The following CEP295 variants were observed in gnomAD, a reference collection of about 807,000 sequenced individuals.
CEP295 encodes the protein centrosomal protein of 295 kDa.
Under a neutral mutation model 291.6 loss-of-function variants are expected in CEP295, and 190 were observed. The observed-to-expected ratio is 0.65, with a 90% CI of 0.58 to 0.73. CEP295 has a LOEUF of 0.73. CEP295 is among the 30% of genes least tolerant of loss of function. CEP295 has a pLI of 0.00. For missense variants in CEP295, 2,863 were observed against 2,949.4 expected (o/e 0.97, Z 0.68); for synonymous variants, 993 against 1,038.8 (o/e 0.96, Z 0.85).
At chr11:93,669,903 A>G (rs573001875) in intron 5 of CEP295, 133 bp downstream of exon 5, 10 of 569,850 alleles carry the variant, frequency 1.8e-5, no homozygotes, top group Non-Finnish European at 3.2e-5. Context: ...GTACAGGAGT[A>G]TATCTGGAGT....
chr11:93,730,206 A>ACTCAAATTTTTATT, intron 29 of CEP295, 25 bp from the exon 30 acceptor site: 1 of 1,551,348 alleles, frequency 6.4e-7, no homozygotes, highest in Non-Finnish European at 8.7e-7. Flanking sequence ...CACAACTGAA[A>ACTCAAATTTTTATT]CTCAAATTTT....
At chr11:93,713,273 G>A (rs980314460) in intron 18 of CEP295, among the ~76,000 whole-genome samples, 2 of 152,054 alleles carry the variant, frequency 1.3e-5, no homozygotes, top group East Asian at 1.9e-4. Flanking sequence ...GTGTATTTCT[G>A]TGTACTTACT....
intron 1 of CEP295, among the ~76,000 whole-genome samples, chr11:93,663,695 T>C (rs1036475050): frequency 1.3e-5 from 2 of 152,168 alleles, no homozygotes; most frequent in Non-Finnish European, 2.9e-5. Context: ...GTTTAAAAAA[T>C]TTAAAAATTA....
chr11:93,698,372 C>T lies in CEP295; in HGVS notation c.3460C>T (p.Gln1154Ter). The T allele has an allele frequency of 5.2e-6, 8 of 1,552,174 alleles. No homozygotes were observed. Among genetic ancestry groups the T allele is most frequent in the Non-Finnish European group, 7.0e-6 (8 of 1,147,080 alleles). ...TFQDKSLSFP[Q>*]HSLAQQENLT... The stretch of plus-strand genomic sequence containing the variant: ...TCAGGATAAGTCTCTTAGTTTTCCA[C>T]AGCATAGCCTGGCACAGCAAGAAAA... The change falls in exon 15 of 30, where the codon CAG (glutamine) becomes TAG (stop). Residue 1154 changes from glutamine (Q) to a stop codon, truncating the protein, a stop_gained. Transcript: ENST00000325212. LOFTEE classifies it high-confidence loss of function.
chr11:93,688,308 G>A (rs1344880908), intron 10 of CEP295, among the ~76,000 whole-genome samples: 2 of 152,068 alleles, frequency 1.3e-5, no homozygotes, highest in African/African-American at 4.8e-5. Flanking sequence ...TTTCTTATTT[G>A]CTAATTTTAA....
At position 93,683,618 on chromosome 11, in the gene CEP295, G is replaced by C. The variant is rs1477715836; in HGVS notation, c.825G>C (p.Arg275Ser). The change falls in exon 8 of 30, where the codon AGG (arginine) becomes AGC (serine). Residue 275 changes from arginine (R) to serine (S), a missense_variant. Coordinates refer to ENST00000325212, the MANE Select transcript of CEP295 (RefSeq NM_033395.2). ...TACAGCAAGAGGACCTGGCACGTAG[G>C]AGACAGACTGTAGCACAAATGCCAC... ...KQLQQEDLAR[R>S]RQTVAQMPPQ... 2.6e-6 allele frequency: 4 copies of C among 1,547,736 alleles called. No individual in the cohort carries two copies. Among genetic ancestry groups the C allele is most frequent in the African/African-American group, 1.4e-5 (1 of 72,762 alleles).
intron 18 of CEP295, among the ~76,000 whole-genome samples, chr11:93,711,627 CA>C (rs1565203299): frequency 6.6e-6 from 1 of 152,128 alleles, no homozygotes; most frequent in African/African-American, 2.4e-5. Context: ...CTCAGCCTCC[CA>C]AATAGCTGGG....
chr11:93,680,218 G>A lies in CEP295; in HGVS notation c.765+666G>A, dbSNP rs553529817. Reference sequence around the variant, plus strand: ...CCTGAGCCCGGGACAAGGAGGTTGCGTTGAGCTGAAATCACACCATACCAC... The same window carrying A: ...CCTGAGCCCGGGACAAGGAGGTTGCATTGAGCTGAAATCACACCATACCAC... On this transcript the variant is annotated intron_variant, in intron 7 of 29. Transcript: ENST00000325212. Among the ~76,000 whole-genome samples the A allele has an allele frequency of 2.3e-3, 346 of 152,238 alleles. 1 individual carries two copies. Among genetic ancestry groups the A allele is most frequent in the Non-Finnish European group, 3.8e-3 (256 of 67,996 alleles).
chr11:93,721,504 A>G (rs1405153927), intron 19 of CEP295, 92 bp downstream of exon 19: 2 of 867,078 alleles, frequency 2.3e-6, no homozygotes, highest in Non-Finnish European at 4.0e-6. Flanking sequence ...TTATAACATT[A>G]AAGTCAGTGC....
At position 93,727,252 on chromosome 11, in the gene CEP295, G is replaced by A. The variant is rs1020068595; in HGVS notation, c.6776G>A (p.Cys2259Tyr). ...TTAAATGTACAGCATAGCACTCCAT[G>A]TGGTTCTAACTCTAGTGAGTGCTCA... ...DQLNVQHSTPCGSNSSECSTK... is the reference protein window; with the variant it reads ...DQLNVQHSTPYGSNSSECSTK... Residue 2259 changes from cysteine to tyrosine, a missense_variant, in exon 24 of 30, where the codon TGT becomes TAT. Around this residue, in one of 3 missense-constraint regions of CEP295, gnomAD observed 2,295 missense variants for 2,335.7 expected, o/e 0.98. Transcript: ENST00000325212. The A allele has an allele frequency of 2.6e-6, 4 of 1,551,610 alleles. No homozygotes were observed. The African/African-American group carries it at 4.1e-5, about 16-fold the overall frequency.
intron 18 of CEP295, among the ~76,000 whole-genome samples, chr11:93,712,519 G>C (rs1449184196): frequency 1.3e-5 from 2 of 152,254 alleles, no homozygotes; most frequent in East Asian, 3.9e-4. Context: ...CTCCCAAACT[G>C]CTAGGATTAC....
intron 18 of CEP295, among the ~76,000 whole-genome samples, chr11:93,708,752 T>C (rs976362522): frequency 6.6e-6 from 1 of 152,244 alleles, no homozygotes; most frequent in Non-Finnish European, 1.5e-5. Context: ...GTGGCTGTAC[T>C]GATTTACATT....
In CEP295 at chr11:93,725,761, GAATC is replaced by G; in HGVS notation, c.6432_6435del (p.Gln2145AsnfsTer60). On this transcript the variant is annotated frameshift_variant, in exon 23 of 30. Coordinates refer to ENST00000325212, the MANE Select transcript of CEP295 (RefSeq NM_033395.2). LOFTEE classifies it high-confidence loss of function. ...TGCATTCTTCTCTTAACACAAGTCC[GAATC>G]AACAACCTGACACTAACTTGGCTCA... The G allele has an allele frequency of 6.4e-7, 1 of 1,551,664 alleles. No homozygotes were observed. The highest frequency in any genetic ancestry group is 2.4e-5 in the East Asian group (1 of 40,896).
rs572214926 is a variant in CEP295 at position 93,673,839 on chromosome 11, G to A, written c.529-1732G>A. ...TACTGGGCTCTGTTCCATGGATTCT[G>A]ATTTAATTCGTTTGGTGTGGGGCCA... On this transcript the variant is annotated intron_variant, in intron 5 of 29. Coordinates refer to ENST00000325212, the MANE Select transcript of CEP295 (RefSeq NM_033395.2). Among the ~76,000 whole-genome samples, 4 of 152,136 alleles carry A rather than the reference G, an allele frequency of 2.6e-5. No homozygotes were observed. In the South Asian group the frequency reaches 8.3e-4, roughly 32 times the overall value.
chr11:93,678,064 A>G (rs1201389229), intron 6 of CEP295, among the ~76,000 whole-genome samples: 3 of 151,992 alleles, frequency 2.0e-5, no homozygotes, highest in South Asian at 2.1e-4. Flanking sequence ...ATGCTTTTTT[A>G]TATCTGGACT....
chr11:93,705,413 T>G (rs1324189269), intron 17 of CEP295, among the ~76,000 whole-genome samples: 1 of 152,210 alleles, frequency 6.6e-6, no homozygotes, highest in African/African-American at 2.4e-5. Flanking sequence ...AAAATAAGGT[T>G]GAGAAATACT....
intron 12 of CEP295, among the ~76,000 whole-genome samples, chr11:93,693,451 C>G (rs554642232): frequency 6.6e-6 from 1 of 152,242 alleles, no homozygotes; most frequent in South Asian, 2.1e-4. Flanking sequence ...GCCAGTATTT[C>G]TTCTCAGATA....
At chr11:93,688,163 G>A (rs1951339419) in intron 10 of CEP295, among the ~76,000 whole-genome samples, 1 of 151,936 alleles carries the variant, frequency 6.6e-6, no homozygotes, top group Non-Finnish European at 1.5e-5. Context: ...TGCTACAGTG[G>A]GCATCCTTTT....
chr11:93,699,992 C>T lies in CEP295; in HGVS notation c.5080C>T (p.Leu1694Phe). The change falls in exon 15 of 30, where the codon CTT (leucine) becomes TTT (phenylalanine). Residue 1694 changes from leucine (L) to phenylalanine (F), a missense_variant. This residue lies in a region of CEP295 where 2,295 missense variants were observed against 2,335.7 expected (regional missense o/e 0.98). Transcript: ENST00000325212. ...NPVIPGFQDR[L>F]LSFSQSVLTQ... ...TGTGATCCCAGGGTTTCAAGATAGA[C>T]TTTTGAGTTTTTCACAGTCTGTCTT... 2 of 1,551,688 alleles carry T rather than the reference C, an allele frequency of 1.3e-6. No homozygotes were observed. Among genetic ancestry groups the T allele is most frequent in the Non-Finnish European group, 1.7e-6 (2 of 1,146,966 alleles).
Sources: gnomAD v4.1 joint callset for allele counts (sites outside exome capture counted in the v4.1 genomes callset) on GRCh38, gnomAD v4.1.1 for gene constraint, gnomAD v4.1.1 regional missense constraint, MANE v1.5 for transcripts, NCBI Gene and HGNC (gene_info 2026-07-23, HGNC 2026-07-21) for gene names.